Variants in CTSC observed in about 807,000 individuals in gnomAD.
The protein encoded by CTSC is dipeptidyl peptidase 1.
In CTSC, 37 loss-of-function variants were observed where a neutral mutation model predicts 40.9. That is an observed-to-expected ratio of 0.91 (90% CI 0.70 to 1.19). The LOEUF (loss-of-function observed/expected upper bound fraction) is 1.19. Among genes scored for constraint, CTSC ranks in the 50% most tolerant of loss-of-function variants. The pLI is 0.00. For synonymous variants in CTSC, 232 were observed against 207.4 expected, an observed-to-expected ratio of 1.12 and a Z score of -1.02; for missense variants, 594 against 567.3, an observed-to-expected ratio of 1.05 and a Z score of -0.48.
intron 2 of CTSC, chr11:88,320,751 G>C: frequency 2.2e-6 from 2 of 930,050 alleles, no homozygotes; most frequent in South Asian, 5.0e-5. Flanking sequence ...GCCCACCATA[G>C]CCTCTAAGGA....
chr11:88,334,559 T>C (rs1190790689), intron 2 of CTSC, among the ~76,000 whole-genome samples: 1 of 152,182 alleles, frequency 6.6e-6, no homozygotes, highest in African/African-American at 2.4e-5. Context: ...GCATAGTAAC[T>C]GCAAGAAAAC....
At chr11:88,315,954 G>T (rs1329477113) in intron 2 of CTSC, among the ~76,000 whole-genome samples, 2 of 151,974 alleles carry the variant, frequency 1.3e-5, no homozygotes, top group African/African-American at 2.4e-5. Flanking sequence ...GAGAGGAAAG[G>T]ATTCAAATAC....
At position 88,312,566 on chromosome 11, in the gene CTSC, T is replaced by C; in HGVS notation, c.319-12A>G. 2 of 1,613,858 alleles carry C rather than the reference T, an allele frequency of 1.2e-6. No individual in the cohort carries two copies. Among genetic ancestry groups the C allele is most frequent in the Non-Finnish European group, 1.7e-6 (2 of 1,179,980 alleles). ...CCCTCTTCTTTATACTGCAAACAAA[T>C]AAGAGAAAAGAAAACCAAGTAAAAT... is the stretch of plus-strand genomic sequence containing the variant. On this transcript the variant is annotated splice_polypyrimidine_tract_variant and intron_variant, in intron 2 of 6. Coordinates refer to ENST00000227266, the MANE Select transcript of CTSC (RefSeq NM_001814.6).
rs75027864 is a variant in CTSC at position 88,305,895 on chromosome 11, G to T, written c.641+3268C>A. Among the ~76,000 whole-genome samples, 1,225 of 152,284 alleles carry T rather than the reference G, an allele frequency of 8.0e-3. 13 individuals are homozygous for T. The highest frequency in any genetic ancestry group is 0.026 in the African/African-American group (1,098 of 41,552). On this transcript the variant is annotated intron_variant, in intron 4 of 6. Transcript: ENST00000227266. ...ACTTGGTAAAGCAGCTGTGACTGAG[G>T]CTCCCATCTTTCAGGCAGGAGCCAC...
rs1006078954 is a variant in CTSC, at chr11:88,296,741, C to T, written c.758-477G>A. The T allele has an allele frequency of 1.8e-5, 4 of 221,018 alleles. No individual in the cohort carries two copies. In the Admixed American group the frequency reaches 2.1e-4, roughly 12 times the overall value. The allele number at this position is 221,018 out of a possible 1,614,324, so 13.7% of individuals were successfully genotyped here. ...AAACCCCAATCCCAAAAGTGATGGT[C>T]TTAGGAGGTGGGGCCTTTGGGATTA... On this transcript the variant is annotated intron_variant, in intron 5 of 6. Coordinates refer to ENST00000227266, the MANE Select transcript of CTSC (RefSeq NM_001814.6).
chr11:88,312,585 G>A, intron 2 of CTSC, 31 bp from the exon 3 acceptor site: 1 of 1,612,886 alleles, frequency 6.2e-7, no homozygotes, highest in Non-Finnish European at 8.5e-7. Flanking sequence ...AGAAAACCAA[G>A]TAAAATCTGT....
chr11:88,315,295 A>G (rs576248039), intron 2 of CTSC, among the ~76,000 whole-genome samples: 2 of 152,306 alleles, frequency 1.3e-5, no homozygotes, highest in South Asian at 4.2e-4. Context: ...ATTGACACAC[A>G]TACACAAACA....
chr11:88,296,302 C>T (rs753359308), intron 5 of CTSC, 38 bp from the exon 6 acceptor site: 41 of 1,611,540 alleles, frequency 2.5e-5, no homozygotes, highest in Non-Finnish European at 3.4e-5. Context: ...CAAGAGACAT[C>T]TGAAGCCTCA....
intron 2 of CTSC, among the ~76,000 whole-genome samples, chr11:88,332,623 C>T (rs1310675720): frequency 6.6e-6 from 1 of 152,130 alleles, no homozygotes; most frequent in Non-Finnish European, 1.5e-5. Flanking sequence ...TATTAAGTTT[C>T]AAAAAGAAGT....
At chr11:88,330,857 A>G (rs1024556179) in intron 2 of CTSC, among the ~76,000 whole-genome samples, 5 of 152,230 alleles carry the variant, frequency 3.3e-5, no homozygotes, top group Non-Finnish European at 7.3e-5. Flanking sequence ...ATCATAAAAA[A>G]TGTTTCTCTT....
chr11:88,302,562 C>T (rs1591223850), intron 4 of CTSC, among the ~76,000 whole-genome samples: 1 of 136,644 alleles, frequency 7.3e-6, no homozygotes, highest in East Asian at 2.2e-4. Context: ...GGAGGTGGAG[C>T]TTGCAGTGAG....
chr11:88,328,056 G>C (rs893626472), intron 2 of CTSC: 5 of 1,083,110 alleles, frequency 4.6e-6, no homozygotes, highest in Non-Finnish European at 7.2e-6. Flanking sequence ...AAGCCATCAG[G>C]AAGTGAGGAA....
At chr11:88,324,469 G>A in intron 2 of CTSC, 1 of 980,472 alleles carries the variant, frequency 1.0e-6, no homozygotes, top group Non-Finnish European at 1.2e-6. Flanking sequence ...GATGTATATG[G>A]CACCATTCCT....
chr11:88,313,304 G>C (rs1565256725), intron 2 of CTSC, among the ~76,000 whole-genome samples: 1 of 152,182 alleles, frequency 6.6e-6, no homozygotes. Context: ...CTCCAGACAA[G>C]TGATCCACCC....
At chr11:88,324,615 G>T in intron 2 of CTSC, 3 of 984,562 alleles carry the variant, frequency 3.0e-6, no homozygotes, top group Non-Finnish European at 3.6e-6. Context: ...AGGTGTTGAA[G>T]ATATACAGGG....
intron 2 of CTSC, chr11:88,322,419 G>A (rs747632843): frequency 4.0e-4 from 61 of 152,020 alleles, no homozygotes; most frequent in African/African-American, 1.3e-3. Flanking sequence ...GTTGATTTTC[G>A]TATATGGATT....
At position 88,335,199 on chromosome 11, in the gene CTSC, GCA is replaced by G. The variant is rs201926099; in HGVS notation, c.173-119_173-118del. 1.2e-3 allele frequency: 867 copies of G among 745,958 alleles called. 6 individuals carry two copies. The African/African-American group carries it at 0.014, about 12-fold the overall frequency. 46.2% of individuals were successfully genotyped at this position (745,958 alleles called of 1,614,324 possible). A position where few individuals can be genotyped will look rare whatever the true frequency, so the allele number is the denominator to read the frequency against. ...TTTCCTTTCATGCTACCCAGTTTGA[GCA>G]CAGTCTGCCTAGTGAAGAAACCAGA... On this transcript the variant is annotated intron_variant, in intron 1 of 6. Coordinates refer to ENST00000227266, the MANE Select transcript of CTSC (RefSeq NM_001814.6).
At chr11:88,336,539 CAA>C (rs35388709) in intron 1 of CTSC, among the ~76,000 whole-genome samples, 57 of 87,354 alleles carry the variant, frequency 6.5e-4, no homozygotes, top group African/African-American at 7.9e-4. Flanking sequence ...ACTCCATTCT[CAA>C]AAAAAAAAAA....
intron 5 of CTSC, chr11:88,297,042 G>A (rs1008850117): frequency 6.6e-6 from 1 of 152,452 alleles, no homozygotes; most frequent in Admixed American, 6.5e-5. Flanking sequence ...AACGTGTAAC[G>A]GTGGCTCAGA....
Sources: allele counts gnomAD v4.1 joint callset (sites outside exome capture counted in the v4.1 genomes callset), GRCh38; gene constraint gnomAD v4.1.1; transcripts MANE v1.5; gene names NCBI Gene and HGNC (gene_info 2026-07-23, HGNC 2026-07-21).